FECH: variants seen among roughly 807,000 people sequenced by gnomAD.
The protein encoded by FECH is ferrochelatase.
Under a neutral mutation model 56.9 loss-of-function variants are expected in FECH, and 40 were observed. That is an observed-to-expected ratio of 0.70 (90% confidence interval 0.55 to 0.92). The LOEUF is 0.92. Ranked by LOEUF, FECH falls within the 40% of genes least tolerant of loss-of-function variation. FECH has a pLI of 0.00. For synonymous variants in FECH, 175 were observed against 198.6 expected (o/e 0.88, Z 1.00); for missense variants, 431 against 529.1 (o/e 0.81, Z 1.82).
intron 4 of FECH, among the ~76,000 whole-genome samples, chr18:57,570,628 T>C (rs909194643): frequency 1.3e-5 from 2 of 152,278 alleles, no homozygotes; most frequent in African/African-American, 4.8e-5. Flanking sequence ...TCCTAAGATG[T>C]ACATTTTTTT....
At position 57,573,185 on chromosome 18, in the gene FECH, T is replaced by C. The variant is rs1160779899; in HGVS notation, c.314+61A>G. On this transcript the variant is annotated intron_variant, in intron 3 of 10. Coordinates refer to ENST00000262093, the MANE Select transcript of FECH (RefSeq NM_000140.5). ...TATTTACTGGTTTGAAACTACAGAA[T>C]TGAGAGACACATGTCAATGTAGTGC... 7.8e-6 allele frequency: 12 copies of C among 1,531,000 alleles called. No individual in the cohort carries two copies. In the East Asian group the frequency reaches 1.6e-4, roughly 20 times the overall value. 94.8% of individuals were successfully genotyped at this position (1,531,000 alleles called of 1,614,324 possible).
In FECH at chr18:57,547,859, C is replaced by G. The variant is rs887615207; in HGVS notation, c.*2853G>C. On this transcript the variant is annotated 3_prime_UTR_variant, in exon 11 of 11. Coordinates refer to ENST00000262093, the MANE Select transcript of FECH (RefSeq NM_000140.5). ...CTATGTTGCCCAGGCTGGTCTTGAA[C>G]TCTTGGGATCAAGCAATCCTCCAAC... is the stretch of plus-strand genomic sequence containing the variant. Among the ~76,000 whole-genome samples the G allele has an allele frequency of 4.6e-5, 7 of 152,104 alleles. No homozygotes were observed. The highest frequency in any genetic ancestry group is 9.7e-5 in the African/African-American group (4 of 41,412).
intron 1 of FECH, among the ~76,000 whole-genome samples, chr18:57,582,744 T>C (rs1467001130): frequency 6.8e-6 from 1 of 146,394 alleles, no homozygotes; most frequent in East Asian, 2.0e-4. Flanking sequence ...AAACCCCATC[T>C]CTACTAAAAA....
intron 6 of FECH, 36 bp from the exon 7 acceptor site, chr18:57,559,279 G>T: frequency 7.2e-7 from 1 of 1,384,290 alleles, no homozygotes; most frequent in South Asian, 1.2e-5. Context: ...TAAAGAGGAA[G>T]GGAAGAAAGA....
chr18:57,567,778 G>T (rs7241377), intron 4 of FECH: 90,288 of 152,096 alleles, frequency 0.59, 27,062 homozygotes, highest in Admixed American at 0.65. Context: ...TAAGAGCCAG[G>T]GGAACACATT....
intron 1 of FECH, among the ~76,000 whole-genome samples, chr18:57,585,068 A>G (rs2122379938): frequency 6.6e-6 from 1 of 152,102 alleles, no homozygotes; most frequent in South Asian, 2.1e-4. Context: ...GCACCAAGAA[A>G]AAAAATAATT....
chr18:57,577,194 G>C (rs568145109), intron 2 of FECH, among the ~76,000 whole-genome samples: 1 of 152,242 alleles, frequency 6.6e-6, no homozygotes, highest in African/African-American at 2.4e-5. Context: ...GATGCCTCTA[G>C]AACAGAATTT....
intron 1 of FECH, 87 bp downstream of exon 1, chr18:57,586,467 C>T: frequency 7.2e-7 from 1 of 1,387,054 alleles, no homozygotes; most frequent in Non-Finnish European, 9.7e-7. Context: ...ATCCCCCGGG[C>T]GCGAGGGCCC....
At position 57,554,970 on chromosome 18, in the gene FECH, TG is replaced by T. The variant is rs746719508; in HGVS notation, c.805-19del. On this transcript the variant is annotated intron_variant, in intron 7 of 10. Coordinates refer to ENST00000262093, the MANE Select transcript of FECH (RefSeq NM_000140.5). ...TTGACCACCTGCAGCAGAGACACAA[TG>T]GGTGTTCAGCCATTAACACTGGGAA... 1.9e-6 allele frequency: 3 copies of T among 1,602,106 alleles called. No individual in the cohort carries two copies. Among genetic ancestry groups the T allele is most frequent in the Non-Finnish European group, 2.6e-6 (3 of 1,169,244 alleles).
Position 57,550,844 on chromosome 18 carries a change from G to C in FECH, c.1140C>G (p.Ala380=), listed in dbSNP as rs1401951959. Residue 380 remains alanine (A), a splice_region_variant and synonymous_variant, in exon 11 of 11, where the codon GCC becomes GCG. Coordinates refer to ENST00000262093, the MANE Select transcript of FECH (RefSeq NM_000140.5). ...SLNGNPLFSK[A]LADLVHSHIQ... The stretch of plus-strand genomic sequence containing the variant: ...TGTGTGAATGCACCAAGTCGGCCAG[G>C]GCCTGGAAGATAGACAAGAGGCAAA... 3 of 1,613,630 alleles carry C rather than the reference G, an allele frequency of 1.9e-6. No homozygotes were observed. In the South Asian group the frequency reaches 3.3e-5, roughly 18 times the overall value.
At chr18:57,576,860 A>C (rs187243140) in intron 2 of FECH, among the ~76,000 whole-genome samples, 1 of 152,308 alleles carries the variant, frequency 6.6e-6, no homozygotes, top group Admixed American at 6.5e-5. Context: ...AAGGGTCTCC[A>C]TCTCCTCTCC....
chr18:57,581,669 T>C lies in FECH; in HGVS notation c.68-1470A>G, dbSNP rs117106397. Among the ~76,000 whole-genome samples, 541 of 152,322 alleles carry C rather than the reference T, an allele frequency of 3.6e-3. 1 individual carries two copies. The highest frequency in any genetic ancestry group is 5.1e-3 in the Non-Finnish European group (349 of 68,030). The stretch of plus-strand genomic sequence containing the variant: ...CTTCCTGAGCCTGAGTTTCCCCACC[T>C]GTAAAATGACACCTTGCTACAGGGA... On this transcript the variant is annotated intron_variant, in intron 1 of 10. Coordinates refer to ENST00000262093, the MANE Select transcript of FECH (RefSeq NM_000140.5).
In FECH at chr18:57,562,867, G is replaced by A; in HGVS notation, c.705+7C>T. On this transcript the variant is annotated splice_region_variant and intron_variant, in intron 6 of 10. Coordinates refer to ENST00000262093, the MANE Select transcript of FECH (RefSeq NM_000140.5). ...GGGTGACAGGCAGCTGGCAAGCACT[G>A]GCTTACCTGGATGAGGAGGTGATGT... 1 of 1,611,836 alleles carries A rather than the reference G, an allele frequency of 6.2e-7. No individual in the cohort carries two copies. Among genetic ancestry groups the A allele is most frequent in the Non-Finnish European group, 8.5e-7 (1 of 1,178,058 alleles).
rs1298586134 is a variant in FECH, at chr18:57,545,821, A to AG, written c.*4890_*4891insC. Among the ~76,000 whole-genome samples the AG allele has an allele frequency of 2.7e-5, 3 of 109,844 alleles. No individual in the cohort carries two copies. The highest frequency in any genetic ancestry group is 6.6e-5 in the Non-Finnish European group (3 of 45,400). The allele number at this position is 109,844 out of a possible 152,430, so 72.1% of individuals were successfully genotyped here. A position where few individuals can be genotyped will look rare whatever the true frequency, so the allele number is the denominator to read the frequency against. On this transcript the variant is annotated 3_prime_UTR_variant, in exon 11 of 11. Transcript: ENST00000262093. ...AAGTGTCTAGCTGGAGAAAATTGAC[A>AG]AAAAAAATAGAAAGTTTGTAAAATG...
At chr18:57,551,763 T>G (rs908005224) in intron 9 of FECH, among the ~76,000 whole-genome samples, 3 of 152,256 alleles carry the variant, frequency 2.0e-5, no homozygotes, top group Non-Finnish European at 4.4e-5. Context: ...ACTGTAAATA[T>G]AGTTTCATAC....
At chr18:57,578,867 G>A (rs2051222593) in intron 2 of FECH, among the ~76,000 whole-genome samples, 1 of 151,816 alleles carries the variant, frequency 6.6e-6, no homozygotes, top group African/African-American at 2.4e-5. Flanking sequence ...GCTGAGGCAG[G>A]AGAATGGCTT....
intron 2 of FECH, 95 bp downstream of exon 2, chr18:57,579,978 T>C: frequency 1.3e-6 from 2 of 1,565,174 alleles, no homozygotes; most frequent in South Asian, 2.2e-5. Flanking sequence ...CCACACTGGC[T>C]TTTCCCAGCA....
At chr18:57,579,114 G>A (rs2051228236) in intron 2 of FECH, among the ~76,000 whole-genome samples, 1 of 151,784 alleles carries the variant, frequency 6.6e-6, no homozygotes, top group Admixed American at 6.6e-5. Flanking sequence ...CAGGCGTGGT[G>A]GTATGTGCCT....
intron 5 of FECH, among the ~76,000 whole-genome samples, chr18:57,565,388 T>G (rs2051002777): frequency 6.6e-6 from 1 of 152,056 alleles, no homozygotes; most frequent in African/African-American, 2.4e-5. Flanking sequence ...GGTGGATCAT[T>G]TGCGGCCAGG....
Sources: gnomAD v4.1 joint callset for allele counts (sites outside exome capture counted in the v4.1 genomes callset) on GRCh38, gnomAD v4.1.1 for gene constraint, MANE v1.5 for transcripts, NCBI Gene and HGNC (gene_info 2026-07-23, HGNC 2026-07-21) for gene names.